Variants in EIF2B4 observed in about 807,000 individuals in gnomAD.
EIF2B4 encodes the protein translation initiation factor eIF2B subunit delta.
EIF2B4 carries 34 observed loss-of-function variants against 66.7 expected under a neutral mutation model. The observed-to-expected ratio is 0.51, with a 90% confidence interval of 0.39 to 0.68. The LOEUF is 0.68. EIF2B4 is among the 30% of genes least tolerant of loss of function. The pLI is 0.00. For missense variants in EIF2B4, 618 were observed against 657.9 expected, an observed-to-expected ratio of 0.94 and a Z score of 0.66; for synonymous variants, 278 against 253.6, an observed-to-expected ratio of 1.10 and a Z score of -0.92.
chr2:27,370,324 T>A lies in EIF2B4; in HGVS notation c.-10A>T. 6.5e-7 allele frequency: 1 copy of A among 1,541,534 alleles called. No individual in the cohort carries two copies. Among genetic ancestry groups the A allele is most frequent in the Non-Finnish European group, 8.7e-7 (1 of 1,146,688 alleles). ...CGGCCACAGCAGCCATCGCCCTCAG[T>A]CCTAGGCTCCGCCCGCCGTGGTCAC... On this transcript the variant is annotated 5_prime_UTR_variant, in exon 1 of 13. Coordinates refer to ENST00000347454, the MANE Select transcript of EIF2B4 (RefSeq NM_001034116.2).
chr2:27,369,250 C>G (rs754051747), intron 3 of EIF2B4, 38 bp from the exon 4 acceptor site: 1 of 1,606,544 alleles, frequency 6.2e-7, no homozygotes, highest in East Asian at 2.2e-5. Context: ...AAGCTGCAGG[C>G]AGGTGATATC....
intron 11 of EIF2B4, chr2:27,365,621 C>T (rs963718387): frequency 7.9e-5 from 12 of 152,226 alleles, no homozygotes; most frequent in African/African-American, 2.9e-4. Flanking sequence ...CGTGAACTGC[C>T]CTCCTCGGCC....
rs561125715 is a variant in EIF2B4, at chr2:27,366,346, T to C, written c.1191+413A>G. On this transcript the variant is annotated intron_variant, in intron 11 of 12. Coordinates refer to ENST00000347454, the MANE Select transcript of EIF2B4 (RefSeq NM_001034116.2). ...TGCCTTAGTGCTGAGATTGCAGGCATTGAGCCATGGCACCAAGCCAGGGCT... is the reference window on the plus strand; with the variant it reads ...TGCCTTAGTGCTGAGATTGCAGGCACTGAGCCATGGCACCAAGCCAGGGCT... 87 of 280,572 alleles carry C rather than the reference T, an allele frequency of 3.1e-4. No individual in the cohort carries two copies. In the East Asian group the frequency reaches 6.4e-3, roughly 21 times the overall value. The allele number at this position is 280,572 out of a possible 1,614,324, so 17.4% of individuals were successfully genotyped here.
intron 2 of EIF2B4, 106 bp from the exon 3 acceptor site, chr2:27,369,655 C>G: frequency 6.3e-7 from 1 of 1,584,582 alleles, no homozygotes; most frequent in South Asian, 1.1e-5. Flanking sequence ...CTAGTTCTTC[C>G]TAACTTCCAC....
intron 9 of EIF2B4, 55 bp downstream of exon 9, chr2:27,367,402 T>C (rs374767999): frequency 2.5e-6 from 4 of 1,606,262 alleles, no homozygotes; most frequent in East Asian, 4.5e-5. Context: ...GTTTTTAACA[T>C]GTTTCTTAAT....
intron 11 of EIF2B4, among the ~76,000 whole-genome samples, chr2:27,365,248 T>A (rs1306802619): frequency 6.6e-6 from 1 of 151,912 alleles, no homozygotes; most frequent in Non-Finnish European, 1.5e-5. Flanking sequence ...ATATTTTTAG[T>A]AGAGACGGGG....
At position 27,369,710 on chromosome 2, in the gene EIF2B4, C is replaced by T. The variant is rs1244842346; in HGVS notation, c.76-161G>A. 30 of 1,469,846 alleles carry T rather than the reference C, an allele frequency of 2.0e-5. 1 individual carries two copies. In the East Asian group the frequency reaches 2.1e-4, roughly 10 times the overall value. 91.1% of individuals were successfully genotyped at this position (1,469,846 alleles called of 1,614,324 possible). A position where few individuals can be genotyped will look rare whatever the true frequency, so the allele number is the denominator to read the frequency against. Reference sequence around the variant, plus strand: ...TACATCCACAGAGGCTGACGTTTCTCCTCCAGGGACAGAATCATATATCCC... The same window carrying T: ...TACATCCACAGAGGCTGACGTTTCTTCTCCAGGGACAGAATCATATATCCC... On this transcript the variant is annotated intron_variant, in intron 2 of 12. Coordinates refer to ENST00000347454, the MANE Select transcript of EIF2B4 (RefSeq NM_001034116.2).
intron 3 of EIF2B4, 32 bp from the exon 4 acceptor site, chr2:27,369,244 T>TCTGC (rs767851416): frequency 6.2e-7 from 1 of 1,604,734 alleles, no homozygotes; most frequent in Non-Finnish European, 8.5e-7. Flanking sequence ...ATGCCCAAGC[T>TCTGC]GCAGGCAGGT....
rs1211866067 is a variant in EIF2B4, at chr2:27,367,438, T to A, written c.885+19A>T. 1 of 1,613,948 alleles carries A rather than the reference T, an allele frequency of 6.2e-7. No individual in the cohort carries two copies. The highest frequency in any genetic ancestry group is 8.5e-7 in the Non-Finnish European group (1 of 1,179,854). On this transcript the variant is annotated intron_variant, in intron 9 of 12. Transcript: ENST00000347454. ...TTTACCCACAGGTGCATGCCTTCCTTATTTCTCATACTCATCACCTCCTCT... is the reference window on the plus strand; with the variant it reads ...TTTACCCACAGGTGCATGCCTTCCTAATTTCTCATACTCATCACCTCCTCT...
Position 27,367,370 on chromosome 2 carries a change from G to T in EIF2B4, c.885+87C>A, listed in dbSNP as rs764226813. 29 of 1,588,924 alleles carry T rather than the reference G, an allele frequency of 1.8e-5. No individual in the cohort carries two copies. In the Admixed American group the frequency reaches 2.0e-4, roughly 11 times the overall value. ...TAACCCTTGACTAGGGCAAAAAAAG[G>T]CTTACGTTGGCCTTCCCGGGAGTTT... is the stretch of plus-strand genomic sequence containing the variant. On this transcript the variant is annotated intron_variant, in intron 9 of 12. Coordinates refer to ENST00000347454, the MANE Select transcript of EIF2B4 (RefSeq NM_001034116.2).
Position 27,368,394 on chromosome 2 carries a change from T to G in EIF2B4, c.568A>C (p.Asn190His), listed in dbSNP as rs1350575608. The change falls in exon 6 of 13, where the codon AAC becomes CAC. Residue 190 changes from asparagine (N) to histidine (H), a missense_variant. Physicochemically the swap from Asn to His is moderately conservative, Grantham distance 68. This residue lies in a region of EIF2B4 where 506 missense variants were observed against 511.9 expected (regional missense o/e 0.99). Coordinates refer to ENST00000347454, the MANE Select transcript of EIF2B4 (RefSeq NM_001034116.2). ...FSHLPQYSRQ[N>H]SLTQFMSIPS... ...TACCTCATAAACTGGGTCAGAGAGTTTTGTCTGCTGTACTGGGGTAGGTGA... is the reference window on the plus strand; with the variant it reads ...TACCTCATAAACTGGGTCAGAGAGTGTTGTCTGCTGTACTGGGGTAGGTGA... The G allele has an allele frequency of 6.2e-7, 1 of 1,614,000 alleles. No individual in the cohort carries two copies. Among genetic ancestry groups the G allele is most frequent in the Admixed American group, 1.7e-5 (1 of 60,010 alleles).
intron 11 of EIF2B4, 132 bp downstream of exon 11, chr2:27,366,627 T>C: frequency 2.8e-6 from 3 of 1,065,956 alleles, no homozygotes; most frequent in Admixed American, 1.9e-5. Context: ...TGCAGTGAGC[T>C]GTGATCACGT....
intron 1 of EIF2B4, 67 bp from the exon 2 acceptor site, chr2:27,369,986 T>C: frequency 6.5e-7 from 1 of 1,542,478 alleles, no homozygotes; most frequent in Non-Finnish European, 8.8e-7. Flanking sequence ...GCACGAGTAC[T>C]CGGCGCAGCC....
chr2:27,367,639 T>C, intron 8 of EIF2B4, 80 bp from the exon 9 acceptor site: 1 of 1,597,210 alleles, frequency 6.3e-7, no homozygotes, highest in Admixed American at 1.7e-5. Context: ...AAAAAGTCTT[T>C]AAAAAGAAAA....
In EIF2B4 at chr2:27,370,287, C is replaced by A. The variant is rs542570644; in HGVS notation, c.28G>T (p.Glu10Ter). 1.3e-6 allele frequency: 2 copies of A among 1,548,176 alleles called. No individual in the cohort carries two copies. The highest frequency in any genetic ancestry group is 2.4e-5 in the East Asian group (1 of 41,546). MAAVAVAVR[E>*]DSGSGMKAEL... ...GCAGGCCCGGCTCTTCACTCACCCT[C>A]GCGAACAGCCACGGCCACAGCAGCC... is the stretch of plus-strand genomic sequence containing the variant. Residue 10 changes from glutamate (E) to a stop codon, truncating the protein, a stop_gained, in exon 1 of 13, where the codon GAG (glutamate) becomes TAG (stop). Transcript: ENST00000347454. LOFTEE classifies it high-confidence loss of function.
At position 27,369,425 on chromosome 2, in the gene EIF2B4, G is replaced by A. The variant is rs1682167389; in HGVS notation, c.200C>T (p.Ala67Val). The A allele has an allele frequency of 2.5e-6, 4 of 1,613,858 alleles. No individual in the cohort carries two copies. The highest frequency in any genetic ancestry group is 1.7e-5 in the Admixed American group (1 of 59,966). The change falls in exon 3 of 13, where the codon GCC (alanine) becomes GTC (valine). Residue 67 changes from alanine to valine, a missense_variant. Ala to Val is a moderately conservative substitution (Grantham distance 64, BLOSUM62 0). Around this residue, in one of 4 missense-constraint regions of EIF2B4, gnomAD observed 506 missense variants for 511.9 expected, o/e 0.99. Coordinates refer to ENST00000347454, the MANE Select transcript of EIF2B4 (RefSeq NM_001034116.2). Reference sequence around the variant, plus strand: ...GACCCCTCACTCACCTTGACATTGGGCTGCAGATACAGCAGAGCCAGTCTC... The same window carrying A: ...GACCCCTCACTCACCTTGACATTGGACTGCAGATACAGCAGAGCCAGTCTC... ...EPETGSAVSA[A>V]QCQVGPTREL...
rs1275069770 is a variant in EIF2B4 at position 27,368,586 on chromosome 2, A to G, written c.498+68T>C. ...CACCTATCCTTCTCACTTTGCACCC[A>G]GCACCTTTCCTCCCTCCAGTCCATT... On this transcript the variant is annotated intron_variant, in intron 5 of 12. Coordinates refer to ENST00000347454, the MANE Select transcript of EIF2B4 (RefSeq NM_001034116.2). 1.9e-6 allele frequency: 3 copies of G among 1,598,088 alleles called. No homozygotes were observed. The South Asian group carries it at 3.3e-5, about 18-fold the overall frequency.
intron 11 of EIF2B4, 170 bp from the exon 12 acceptor site, chr2:27,365,068 T>C (rs1308515820): frequency 2.9e-6 from 2 of 698,444 alleles, no homozygotes; most frequent in East Asian, 2.9e-5. Context: ...TTTTTTTTTT[T>C]TCTTTGAGAT....
Position 27,367,881 on chromosome 2 carries a change from G to A in EIF2B4, c.706-59C>T, listed in dbSNP as rs1028759633. The A allele has an allele frequency of 7.7e-6, 12 of 1,560,934 alleles. No homozygotes were observed. In the African/African-American group the frequency reaches 1.1e-4, roughly 14 times the overall value. On this transcript the variant is annotated intron_variant, in intron 7 of 12. Coordinates refer to ENST00000347454, the MANE Select transcript of EIF2B4 (RefSeq NM_001034116.2). ...CCTTAATAAAGATCTCTGAACGGGG[G>A]CTGGGGGTAAGCTTCACTGAGGAAA...
Sources: allele counts gnomAD v4.1 joint callset (sites outside exome capture counted in the v4.1 genomes callset), GRCh38; gene constraint gnomAD v4.1.1; regional missense constraint gnomAD v4.1.1; transcripts MANE v1.5; gene names NCBI Gene and HGNC (gene_info 2026-07-23, HGNC 2026-07-21).